The following RIMS2 variants were observed in gnomAD, a reference collection of about 807,000 sequenced individuals.
RIMS2 encodes the protein regulating synaptic membrane exocytosis protein 2.
Under a neutral mutation model 174.4 loss-of-function variants are expected in RIMS2, and 59 were observed. The ratio of observed to expected loss-of-function variants is 0.34; its 90% CI spans 0.27 to 0.42. The LOEUF is 0.42. Ranked by LOEUF, RIMS2 falls within the 10% of genes least tolerant of loss-of-function variation. RIMS2 has a pLI of 1.00. For missense variants in RIMS2, 1,620 were observed against 1,666.3 expected (o/e 0.97, Z 0.48); for synonymous variants, 606 against 572.5 (o/e 1.06, Z -0.84).
At chr8:103,718,992 CTAGA>C (rs2097410658) in intron 2 of RIMS2, among the ~76,000 whole-genome samples, 2 of 152,080 alleles carry the variant, frequency 1.3e-5, no homozygotes, top group South Asian at 2.1e-4. Flanking sequence ...GCAATCCCCA[CTAGA>C]TAGACTGGAA....
intron 3 of RIMS2, among the ~76,000 whole-genome samples, chr8:103,792,118 A>T (rs2098504805): frequency 6.6e-6 from 1 of 152,192 alleles, no homozygotes; most frequent in African/African-American, 2.4e-5. Context: ...CAGAATATAC[A>T]TTCTTCTCAG....
At chr8:103,724,688 A>G (rs2097504227) in intron 2 of RIMS2, among the ~76,000 whole-genome samples, 1 of 152,106 alleles carries the variant, frequency 6.6e-6, no homozygotes, top group African/African-American at 2.4e-5. Context: ...ATCCTACTTT[A>G]TTTCATATTG....
intron 1 of RIMS2, among the ~76,000 whole-genome samples, chr8:103,533,624 T>G (rs1309449222): frequency 7.7e-6 from 1 of 130,514 alleles, no homozygotes; most frequent in African/African-American, 3.0e-5. Context: ...ATCATGCCAC[T>G]GCACTCCAGC....
At chr8:104,226,428 C>T (rs1225910859) in intron 19 of RIMS2, among the ~76,000 whole-genome samples, 2 of 152,148 alleles carry the variant, frequency 1.3e-5, no homozygotes, top group Non-Finnish European at 2.9e-5. Context: ...AAGAAGTCTA[C>T]AGAGAGATCA....
chr8:104,169,873 T>C (rs1019917000), intron 19 of RIMS2, among the ~76,000 whole-genome samples: 6 of 152,102 alleles, frequency 3.9e-5, no homozygotes, highest in African/African-American at 1.4e-4. Flanking sequence ...TGTGTCATTA[T>C]TATCATTAAT....
chr8:104,081,098 C>T (rs1452029911), intron 19 of RIMS2, among the ~76,000 whole-genome samples: 1 of 151,830 alleles, frequency 6.6e-6, no homozygotes, highest in Non-Finnish European at 1.5e-5. Context: ...AACTTACTAC[C>T]TCAATATAAC....
chr8:103,819,535 T>C, intron 3 of RIMS2: 1 of 1,613,272 alleles, frequency 6.2e-7, no homozygotes, highest in Non-Finnish European at 8.5e-7. Context: ...GCGCCAGGTC[T>C]GCAATTCTGT....
intron 19 of RIMS2, among the ~76,000 whole-genome samples, chr8:104,076,796 A>C (rs34057449): frequency 0.24 from 35,403 of 149,514 alleles, 4,434 homozygotes; most frequent in African/African-American, 0.33. Context: ...AATAGTACCT[A>C]CCTCCAAGGA....
chr8:103,578,004 G>A (rs1176167492), intron 1 of RIMS2, among the ~76,000 whole-genome samples: 4 of 152,144 alleles, frequency 2.6e-5, no homozygotes, highest in Non-Finnish European at 1.5e-5. Flanking sequence ...GCAAATCTAA[G>A]ATTTATTGAT....
At chr8:104,144,901 T>C (rs79634171) in intron 19 of RIMS2, among the ~76,000 whole-genome samples, 6,361 of 152,188 alleles carry the variant, frequency 0.042, 297 homozygotes, top group East Asian at 0.14. Flanking sequence ...CTGTGTCCCC[T>C]AGTAGTAGGG....
Position 103,998,255 on chromosome 8 carries a change from A to G in RIMS2, c.3044+8834A>G, listed in dbSNP as rs201425624. ...CCATCATCACAGGGATGGCAGGTATATTTTTCTTACAATTGAGTCTGTTTG... is the reference window on the plus strand; with the variant it reads ...CCATCATCACAGGGATGGCAGGTATGTTTTTCTTACAATTGAGTCTGTTTG... On this transcript the variant is annotated intron_variant, in intron 17 of 23. Coordinates refer to ENST00000504942, the Ensembl canonical transcript of RIMS2. The G allele has an allele frequency of 6.4e-4, 1,028 of 1,599,666 alleles. 2 individuals are homozygous for G. Among genetic ancestry groups the G allele is most frequent in the Non-Finnish European group, 7.3e-4 (851 of 1,169,132 alleles).
intron 10 of RIMS2, chr8:103,922,601 G>C: frequency 2.5e-6 from 1 of 392,768 alleles, no homozygotes; most frequent in Non-Finnish European, 5.1e-6. Context: ...AAGCTGTTTA[G>C]GTTGTCAAAA....
intron 19 of RIMS2, chr8:104,223,283 G>A: frequency 1.3e-6 from 1 of 769,470 alleles, no homozygotes; most frequent in African/African-American, 1.9e-5. Flanking sequence ...GCCGCTGATT[G>A]GCGGGGACCG....
chr8:104,131,312 C>T (rs1429424556), intron 19 of RIMS2, among the ~76,000 whole-genome samples: 1 of 152,018 alleles, frequency 6.6e-6, no homozygotes, highest in Non-Finnish European at 1.5e-5. Flanking sequence ...ACTAAACCAA[C>T]CTAAACTTGC....
At chr8:103,761,965 A>G (rs1185731879) in intron 2 of RIMS2, among the ~76,000 whole-genome samples, 3 of 151,412 alleles carry the variant, frequency 2.0e-5, no homozygotes, top group Admixed American at 2.0e-4. Flanking sequence ...GAAGAAAATC[A>G]TAGTATTTTG....
chr8:104,234,950 G>A (rs1029393905), intron 19 of RIMS2, among the ~76,000 whole-genome samples: 22 of 152,110 alleles, frequency 1.4e-4, no homozygotes, highest in Admixed American at 9.2e-4. Context: ...CCAATTTTTC[G>A]TGTGGGTTGG....
At chr8:103,787,518 C>T (rs1405399127) in intron 3 of RIMS2, among the ~76,000 whole-genome samples, 1 of 151,316 alleles carries the variant, frequency 6.6e-6, no homozygotes, top group Non-Finnish European at 1.5e-5. Context: ...TTTTATTTCT[C>T]CTTCGCTTAT....
rs576654692 is a variant in RIMS2 at position 103,692,675 on chromosome 8, G to A, written c.177-4411G>A. Among the ~76,000 whole-genome samples the A allele has an allele frequency of 1.1e-4, 16 of 152,316 alleles. No individual in the cohort carries two copies. In the East Asian group the frequency reaches 3.1e-3, roughly 29 times the overall value. ...TCCTTTCTGGCCCAGAGTATCTCTA[G>A]AAATGTTGTCTGGGAGCTAAGGCCT... On this transcript the variant is annotated intron_variant, in intron 1 of 23. Coordinates refer to ENST00000504942, the Ensembl canonical transcript of RIMS2.
intron 17 of RIMS2, among the ~76,000 whole-genome samples, chr8:104,009,909 T>C (rs1443479666): frequency 6.6e-6 from 1 of 152,100 alleles, no homozygotes; most frequent in African/African-American, 2.4e-5. Context: ...ATTCTTAGTA[T>C]TTATCATACC....
Sources: allele counts gnomAD v4.1 joint callset (sites outside exome capture counted in the v4.1 genomes callset), GRCh38; gene constraint gnomAD v4.1.1; transcripts MANE v1.5; gene names NCBI Gene and HGNC (gene_info 2026-07-23, HGNC 2026-07-21).